ERRFI1: variants seen among roughly 807,000 people sequenced by gnomAD.
The protein encoded by ERRFI1 is mitogen-inducible gene 6 protein.
ERRFI1 carries 12 observed loss-of-function variants against 14.6 expected under a neutral mutation model. The ratio of observed to expected loss-of-function variants is 0.82; its 90% confidence interval spans 0.53 to 1.33. The LOEUF (loss-of-function observed/expected upper bound fraction) is 1.33. Ranked by LOEUF, ERRFI1 falls within the 40% of genes most tolerant of loss-of-function variation. ERRFI1 has a pLI of 0.00. For synonymous variants in ERRFI1, 202 were observed against 209.9 expected, an observed-to-expected ratio of 0.96 and a Z score of 0.32; for missense variants, 482 against 572.1, an observed-to-expected ratio of 0.84 and a Z score of 1.61.
intron 1 of ERRFI1, among the ~76,000 whole-genome samples, chr1:8,021,732 T>C (rs181685698): frequency 1.5e-4 from 23 of 152,354 alleles, no homozygotes; most frequent in Admixed American, 1.4e-3. Context: ...TGAACTCATT[T>C]AATCCTCTCT....
chr1:8,013,575 G>A lies in ERRFI1; in HGVS notation c.1024C>T (p.Leu342Phe), dbSNP rs752994239. The change falls in exon 4 of 4, where the codon CTC (leucine) becomes TTC (phenylalanine). Residue 342 changes from leucine (L) to phenylalanine (F), a missense_variant. Physicochemically the swap from Leu to Phe is conservative, Grantham distance 22 (BLOSUM62 0). Transcript: ENST00000377482. The surrounding 1 kb of genome is among the most constrained non-coding windows in gnomAD (Gnocchi z 4.3). Reference protein sequence around the residue: ...TPSPKSLPSYLNGVMPPTQSF... With the variant: ...TPSPKSLPSYFNGVMPPTQSF... ...TGTGTCGGGGGCATGACCCCATTGA[G>A]GTAAGACGGAAGGCTTTTGGGACTC... 1.9e-6 allele frequency: 3 copies of A among 1,614,168 alleles called. No individual in the cohort carries two copies. Among genetic ancestry groups the A allele is most frequent in the Non-Finnish European group, 2.5e-6 (3 of 1,180,038 alleles).
At chr1:8,021,751 A>G (rs943600708) in intron 1 of ERRFI1, among the ~76,000 whole-genome samples, 5 of 152,204 alleles carry the variant, frequency 3.3e-5, no homozygotes, top group African/African-American at 9.7e-5. Flanking sequence ...CTACAATGCC[A>G]TAAGGTGGGC....
intron 1 of ERRFI1, among the ~76,000 whole-genome samples, chr1:8,022,202 G>A (rs907716011): frequency 1.3e-5 from 2 of 152,022 alleles, no homozygotes; most frequent in South Asian, 2.1e-4. Flanking sequence ...AACGATCCAC[G>A]GATGCCCCAC....
At chr1:8,015,781 G>C in intron 1 of ERRFI1, 89 bp from the exon 2 acceptor site, 1 of 819,570 alleles carries the variant, frequency 1.2e-6, no homozygotes, top group Non-Finnish European at 1.9e-6. Flanking sequence ...GCTAACAGAG[G>C]ATTTGGGGGA....
At position 8,013,536 on chromosome 1, in the gene ERRFI1, CA is replaced by C. The variant is rs1351405484; in HGVS notation, c.1062del (p.Asp355IlefsTer97). On this transcript the variant is annotated frameshift_variant, in exon 4 of 4. Transcript: ENST00000377482. LOFTEE classifies it low-confidence loss of function (END_TRUNC). The surrounding 1 kb of genome is among the most constrained non-coding windows in gnomAD (Gnocchi z 4.3). ...GCTTTGCTGCTGACATACTTGGGAT[CA>C]GGGGCAAAGCTCTGTGTCGGGGGCA... The part of the protein sequence containing the change: ...GVMPPTQSFA[P>X]DPKYVSSKAL... 4 of 1,614,106 alleles carry C rather than the reference CA, an allele frequency of 2.5e-6. No individual in the cohort carries two copies. The highest frequency in any genetic ancestry group is 2.2e-5 in the East Asian group (1 of 44,884).
chr1:8,020,825 G>A (rs1189082780), intron 1 of ERRFI1, among the ~76,000 whole-genome samples: 2 of 152,130 alleles, frequency 1.3e-5, no homozygotes, highest in Non-Finnish European at 2.9e-5. Flanking sequence ...GATTACAGGC[G>A]TGAGATACCA....
In ERRFI1 at chr1:8,013,708, A is replaced by C; in HGVS notation, c.891T>G (p.Asp297Glu). 1 of 1,614,002 alleles carries C rather than the reference A, an allele frequency of 6.2e-7. No homozygotes were observed. The highest frequency in any genetic ancestry group is 8.5e-7 in the Non-Finnish European group (1 of 1,179,982). ...VPIPPRPVKP[D>E]YRRWSAEVTS... is the part of the protein sequence containing the mutation. ...TAACTTCTGCTGACCATCTTCTATA[A>C]TCTGGCTTTACTGGTCTAGGAGGTA... The change falls in exon 4 of 4, where the codon GAT becomes GAG. Residue 297 changes from aspartate to glutamate, a missense_variant. By Grantham distance (45) the Asp-to-Glu change is conservative. Transcript: ENST00000377482. This position sits in a 1 kb window ranked among gnomAD's most constrained non-coding sequence, Gnocchi z 4.3.
At position 8,015,701 on chromosome 1, in the gene ERRFI1, T is replaced by C. The variant is rs568365548; in HGVS notation, c.-73-9A>G. 2.2e-5 allele frequency: 34 copies of C among 1,556,382 alleles called. No individual in the cohort carries two copies. The highest frequency in any genetic ancestry group is 1.2e-4 in the Admixed American group (7 of 57,254). On this transcript the variant is annotated splice_polypyrimidine_tract_variant and intron_variant, in intron 1 of 3. Transcript: ENST00000377482. ...CCAGTAGCTTTCATTCCCTGGGAGGTAGAAGAGATGAGAGAATAAAGAAAA... is the reference window on the plus strand; with the variant it reads ...CCAGTAGCTTTCATTCCCTGGGAGGCAGAAGAGATGAGAGAATAAAGAAAA...
chr1:8,018,312 A>C (rs1288432003), intron 1 of ERRFI1, among the ~76,000 whole-genome samples: 1 of 133,906 alleles, frequency 7.5e-6, no homozygotes, highest in East Asian at 2.2e-4. Flanking sequence ...GTATGAAACC[A>C]CCTGAAACTT....
rs780544753 is a variant in ERRFI1, at chr1:8,013,248, C to T, written c.1351G>A (p.Val451Met). ...SKTKMDLGGHVKRKHLSYVVS... is the reference protein window; with the variant it reads ...SKTKMDLGGHMKRKHLSYVVS... ...ACATAGGATAAATGTTTACGCTTCA[C>T]GTGGCCACCCAGATCCATTTTTGTT... Residue 451 changes from valine to methionine, a missense_variant, in exon 4 of 4, where the codon GTG (valine) becomes ATG (methionine). Physicochemically the swap from Val to Met is conservative, Grantham distance 21. Transcript: ENST00000377482. This position sits in a 1 kb window ranked among gnomAD's most constrained non-coding sequence, Gnocchi z 4.3. 36 of 1,613,686 alleles carry T rather than the reference C, an allele frequency of 2.2e-5. No homozygotes were observed. Among genetic ancestry groups the T allele is most frequent in the Middle Eastern group, 1.6e-4 (1 of 6,062 alleles).
chr1:8,024,378 C>T (rs1288454484), intron 1 of ERRFI1, among the ~76,000 whole-genome samples: 1 of 152,166 alleles, frequency 6.6e-6, no homozygotes, highest in East Asian at 1.9e-4. Flanking sequence ...CATTTCATAA[C>T]AGCCATAAAA....
chr1:8,021,231 G>A (rs1008731670), intron 1 of ERRFI1, among the ~76,000 whole-genome samples: 4 of 152,106 alleles, frequency 2.6e-5, no homozygotes, highest in South Asian at 2.1e-4. Flanking sequence ...AATAAATGAC[G>A]TAATTTATTC....
chr1:8,017,389 AAATC>A (rs1418754506), intron 1 of ERRFI1, among the ~76,000 whole-genome samples: 2 of 152,306 alleles, frequency 1.3e-5, no homozygotes, highest in East Asian at 3.9e-4. Flanking sequence ...ATTTTTCTTT[AAATC>A]AATCTCTCAA....
chr1:8,014,040 TAG>T lies in ERRFI1; in HGVS notation c.557_558del (p.Ser186TyrfsTer4). The T allele has an allele frequency of 6.2e-7, 1 of 1,614,150 alleles. No homozygotes were observed. The highest frequency in any genetic ancestry group is 8.5e-7 in the Non-Finnish European group (1 of 1,180,030). ...SSDTDFLLED[S>X]TLSDFKYDVP... is the part of the protein sequence containing the mutation. Reference sequence around the variant, plus strand: ...ACATCATATTTGAAATCAGAAAGTGTAGAGTCTTCTAAAAGGAAGTCTGTATC... The same window carrying T: ...ACATCATATTTGAAATCAGAAAGTGTAGTCTTCTAAAAGGAAGTCTGTATC... On this transcript the variant is annotated frameshift_variant, in exon 4 of 4. Coordinates refer to ENST00000377482, the MANE Select transcript of ERRFI1 (RefSeq NM_018948.4). LOFTEE classifies it high-confidence loss of function.
intron 1 of ERRFI1, among the ~76,000 whole-genome samples, chr1:8,019,705 G>C (rs1286922780): frequency 6.6e-6 from 1 of 152,168 alleles, no homozygotes; most frequent in Non-Finnish European, 1.5e-5. Context: ...GGAGTGAGGC[G>C]ACTGCCCAAT....
chr1:8,014,404 G>A lies in ERRFI1; in HGVS notation c.203-8C>T, dbSNP rs1425414169. The A allele has an allele frequency of 1.3e-6, 2 of 1,548,588 alleles. No individual in the cohort carries two copies. The highest frequency in any genetic ancestry group is 1.7e-6 in the Non-Finnish European group (2 of 1,149,042). On this transcript the variant is annotated splice_region_variant and splice_polypyrimidine_tract_variant and intron_variant, in intron 3 of 3. Transcript: ENST00000377482. ...CAGATTTGGAAGCATGCCCTGGAAT[G>A]AACGAGAGATATTAATAAAAGATCA...
chr1:8,015,343 A>C lies in ERRFI1; in HGVS notation c.167T>G (p.Leu56Arg), dbSNP rs759438365. Residue 56 changes from leucine to arginine, a missense_variant, in exon 3 of 4, where the codon CTG (leucine) becomes CGG (arginine). Coordinates refer to ENST00000377482, the MANE Select transcript of ERRFI1 (RefSeq NM_018948.4). ...TAGGCGCTCCTGAGCAGAAGAGTTC[A>C]GACTGTAGGCCATGGTTATCGGGTC... ...NIDPITMAYS[L>R]NSSAQERLIP... is the part of the protein sequence containing the mutation. 49 of 1,614,074 alleles carry C rather than the reference A, an allele frequency of 3.0e-5. No individual in the cohort carries two copies. Among genetic ancestry groups the C allele is most frequent in the Non-Finnish European group, 3.8e-5 (45 of 1,179,994 alleles).
chr1:8,016,473 G>C (rs1641175417), intron 1 of ERRFI1, among the ~76,000 whole-genome samples: 1 of 152,156 alleles, frequency 6.6e-6, no homozygotes, highest in Non-Finnish European at 1.5e-5. Flanking sequence ...ATCTTGCTTA[G>C]CTGCAAGGCA....
chr1:8,023,697 T>C (rs1418757290), intron 1 of ERRFI1, among the ~76,000 whole-genome samples: 1 of 152,208 alleles, frequency 6.6e-6, no homozygotes, highest in Non-Finnish European at 1.5e-5. Flanking sequence ...ACTTGAAATC[T>C]GAGAATCCTC....
Sources: gnomAD v4.1 joint callset for allele counts (sites outside exome capture counted in the v4.1 genomes callset) on GRCh38, gnomAD v4.1.1 for gene constraint, Gnocchi (gnomAD v3.1) non-coding constraint, MANE v1.5 for transcripts, NCBI Gene and HGNC (gene_info 2026-07-23, HGNC 2026-07-21) for gene names.